C4orf36: variants seen among roughly 807,000 people sequenced by gnomAD.
The protein encoded by C4orf36 is uncharacterized protein C4orf36.
A neutral mutation model predicts 12.2 loss-of-function variants in C4orf36; 11 were observed. The ratio of observed to expected loss-of-function variants is 0.90; its 90% CI spans 0.57 to 1.49. C4orf36 has a LOEUF of 1.49. C4orf36 is among the 40% of genes most tolerant of loss of function. The probability of loss-of-function intolerance (pLI) is 0.00; values close to 1 mark genes in which losing one functional copy is unlikely to be tolerated. For synonymous variants in C4orf36, 54 were observed against 51.3 expected (o/e 1.05, Z -0.22); for missense variants, 137 against 133.9 (o/e 1.02, Z -0.11).
the C4orf36 span, among the ~76,000 whole-genome samples, chr4:86,903,391 G>A: frequency 2.6e-5 from 4 of 152,144 alleles, no homozygotes; most frequent in Non-Finnish European, 5.9e-5. Flanking sequence ...CACACCTGTA[G>A]ACCCAGTGTC....
At chr4:86,932,022 G>A in the C4orf36 span, among the ~76,000 whole-genome samples, 6 of 125,578 alleles carry the variant, frequency 4.8e-5, no homozygotes, top group South Asian at 2.7e-4. Flanking sequence ...GCAATAGAGC[G>A]AGACTCTGTC....
the C4orf36 span, among the ~76,000 whole-genome samples, chr4:86,901,707 G>A: frequency 6.6e-6 from 1 of 151,900 alleles, no homozygotes; most frequent in Non-Finnish European, 1.5e-5. Context: ...AACCGCGCCC[G>A]GCCACACACA....
rs184339880 is a variant in C4orf36 at position 86,883,083 on chromosome 4, C to A, written c.*2+4675G>T. On this transcript the variant is annotated intron_variant, in intron 4 of 4. Transcript: ENST00000295898. ...CAATTAATGCCACTAACTAAAAGTG[C>A]CAGGTTGTGAGTGAGGTGTGACATG... is the stretch of plus-strand genomic sequence containing the variant. Among the ~76,000 whole-genome samples, 6 of 152,282 alleles carry A rather than the reference C, an allele frequency of 3.9e-5. No individual in the cohort carries two copies. The East Asian group carries it at 9.7e-4, about 24-fold the overall frequency.
At chr4:86,890,163 CAGGAAAGA>C (rs754991768) in intron 2 of C4orf36, 5 of 362,740 alleles carry the variant, frequency 1.4e-5, no homozygotes, top group South Asian at 5.2e-5. Flanking sequence ...GAGACCCTGT[CAGGAAAGA>C]AGGAAAGAAG....
At chr4:86,896,625 T>C (rs1049427771), upstream of C4orf36, among the ~76,000 whole-genome samples, 1 of 152,206 alleles carries the variant, frequency 6.6e-6, no homozygotes, top group Non-Finnish European at 1.5e-5. Flanking sequence ...CTTAAATTTA[T>C]GTCTTCCCGT....
chr4:86,918,759 G>A, the C4orf36 span, among the ~76,000 whole-genome samples: 1 of 152,110 alleles, frequency 6.6e-6, no homozygotes, highest in Non-Finnish European at 1.5e-5. Context: ...TTCCATGCCT[G>A]TATTAGTCAG....
At chr4:86,911,858 A>G in the C4orf36 span, among the ~76,000 whole-genome samples, 1 of 148,876 alleles carries the variant, frequency 6.7e-6, no homozygotes, top group Non-Finnish European at 1.5e-5. Flanking sequence ...GGCTATTTAG[A>G]AAAAAAAAAT....
the C4orf36 span, among the ~76,000 whole-genome samples, chr4:86,899,549 A>G: frequency 1.3e-5 from 2 of 152,222 alleles, no homozygotes; most frequent in Non-Finnish European, 2.9e-5. Context: ...AGTGCCAGGC[A>G]CAGTGGCTCA....
chr4:86,911,630 G>A, the C4orf36 span, among the ~76,000 whole-genome samples: 1 of 152,172 alleles, frequency 6.6e-6, no homozygotes, highest in African/African-American at 2.4e-5. Context: ...AATACTGAGT[G>A]CTCACAACAT....
the C4orf36 span, among the ~76,000 whole-genome samples, chr4:86,930,767 T>C: frequency 2.6e-5 from 4 of 152,208 alleles, no homozygotes; most frequent in East Asian, 7.7e-4. Context: ...ACATACAATA[T>C]GAACCTCATA....
the C4orf36 span, among the ~76,000 whole-genome samples, chr4:86,906,496 G>A: frequency 4.6e-5 from 7 of 152,236 alleles, no homozygotes; most frequent in Non-Finnish European, 7.4e-5. Flanking sequence ...GGGAGGCCAA[G>A]GCAGGCAGAT....
At chr4:86,884,029 C>T (rs1011160252) in intron 4 of C4orf36, among the ~76,000 whole-genome samples, 3 of 151,928 alleles carry the variant, frequency 2.0e-5, no homozygotes, top group African/African-American at 7.3e-5. Flanking sequence ...TCCTAAAATG[C>T]CTACTGAATC....
chr4:86,929,669 T>C, the C4orf36 span, among the ~76,000 whole-genome samples: 1 of 152,204 alleles, frequency 6.6e-6, no homozygotes, highest in Admixed American at 6.5e-5. Flanking sequence ...ATACGAACTC[T>C]CTGAGAACAA....
chr4:86,881,980 G>A (rs1747063794), intron 4 of C4orf36, among the ~76,000 whole-genome samples: 1 of 152,160 alleles, frequency 6.6e-6, no homozygotes, highest in Non-Finnish European at 1.5e-5. Context: ...GCCCGGCCCT[G>A]AAAATTTTCA....
chr4:86,881,319 G>A (rs754965053), intron 4 of C4orf36, among the ~76,000 whole-genome samples: 40 of 152,122 alleles, frequency 2.6e-4, no homozygotes, highest in Non-Finnish European at 1.0e-4. Context: ...ACCTTAAAAT[G>A]TTTTACGTAA....
chr4:86,887,704 C>T, intron 4 of C4orf36, 54 bp downstream of exon 4: 1 of 1,606,500 alleles, frequency 6.2e-7, no homozygotes. Flanking sequence ...GGTCCAGAGA[C>T]CTTCATGCCC....
the C4orf36 span, among the ~76,000 whole-genome samples, chr4:86,900,230 A>G: frequency 3.3e-5 from 5 of 151,934 alleles, no homozygotes; most frequent in Non-Finnish European, 5.9e-5. Flanking sequence ...ACAGGGTTTC[A>G]CCATGTTGGC....
At chr4:86,921,182 G>T in the C4orf36 span, among the ~76,000 whole-genome samples, 23 of 147,092 alleles carry the variant, frequency 1.6e-4, no homozygotes, top group Non-Finnish European at 3.0e-5. Context: ...AAAAAAAAAA[G>T]TTTTCAACAT....
At chr4:86,930,806 T>C in the C4orf36 span, among the ~76,000 whole-genome samples, 1 of 152,190 alleles carries the variant, frequency 6.6e-6, no homozygotes, top group Non-Finnish European at 1.5e-5. Flanking sequence ...GTCAGGTCAC[T>C]AGGAATCACG....
Sources: allele counts gnomAD v4.1 joint callset (sites outside exome capture counted in the v4.1 genomes callset), GRCh38; gene constraint gnomAD v4.1.1; transcripts MANE v1.5; gene names NCBI Gene and HGNC (gene_info 2026-07-23, HGNC 2026-07-21).